The following CAPZA1 variants were observed in gnomAD, a reference collection of about 807,000 sequenced individuals.
CAPZA1 encodes the protein capping actin protein of muscle Z-line subunit alpha 1.
CAPZA1 carries 10 observed loss-of-function variants against 40.8 expected under a neutral mutation model. That is an observed-to-expected ratio of 0.25 (90% CI 0.15 to 0.42). The LOEUF is 0.42. Among genes scored for constraint, CAPZA1 ranks in the 10% least tolerant of loss-of-function variants. The pLI is 1.00. For missense variants in CAPZA1, 277 were observed against 353.8 expected (o/e 0.78, Z 1.74); for synonymous variants, 98 against 115.0 (o/e 0.85, Z 0.95).
chr1:112,665,141 AG>A (rs1313264132), intron 7 of CAPZA1, among the ~76,000 whole-genome samples: 1 of 150,380 alleles, frequency 6.6e-6, no homozygotes, highest in Non-Finnish European at 1.5e-5. Flanking sequence ...ATCTCCTGGT[AG>A]CATAGACTAG....
At chr1:112,633,558 G>A (rs1670961930) in intron 1 of CAPZA1, among the ~76,000 whole-genome samples, 1 of 152,124 alleles carries the variant, frequency 6.6e-6, no homozygotes, top group African/African-American at 2.4e-5. Context: ...ATGAACATGG[G>A]GGTGCAGATA....
At chr1:112,625,493 T>C (rs1242719734) in intron 1 of CAPZA1, among the ~76,000 whole-genome samples, 2 of 152,146 alleles carry the variant, frequency 1.3e-5, no homozygotes, top group African/African-American at 4.8e-5. Context: ...ATAGAAAGAT[T>C]AGGACGGAGA....
intron 1 of CAPZA1, among the ~76,000 whole-genome samples, chr1:112,630,332 A>T (rs1226174642): frequency 2.0e-5 from 3 of 151,212 alleles, no homozygotes; most frequent in East Asian, 3.9e-4. Flanking sequence ...TTTATTTTTT[A>T]ATTTTTTATT....
chr1:112,667,043 C>T (rs778123249), intron 7 of CAPZA1, 31 bp from the exon 8 acceptor site: 2 of 1,538,254 alleles, frequency 1.3e-6, no homozygotes, highest in East Asian at 2.3e-5. Flanking sequence ...ATGAACTTCC[C>T]CTAAAAAGGC....
chr1:112,627,402 T>G (rs113471283), intron 1 of CAPZA1, among the ~76,000 whole-genome samples: 7 of 152,020 alleles, frequency 4.6e-5, no homozygotes, highest in African/African-American at 1.2e-4. Flanking sequence ...CCCAGCACTT[T>G]GGGAGGCTGA....
At chr1:112,633,353 G>C (rs1473676417) in intron 1 of CAPZA1, among the ~76,000 whole-genome samples, 1 of 152,006 alleles carries the variant, frequency 6.6e-6, no homozygotes. Context: ...TCATCTTTCT[G>C]TGTCTGGCTT....
At chr1:112,645,489 C>G (rs1286688189) in intron 1 of CAPZA1, among the ~76,000 whole-genome samples, 1 of 151,792 alleles carries the variant, frequency 6.6e-6, no homozygotes, top group African/African-American at 2.4e-5. Context: ...TAAAAATTAG[C>G]CAGGCATGGT....
At chr1:112,641,248 A>G (rs978693284) in intron 1 of CAPZA1, among the ~76,000 whole-genome samples, 5 of 142,656 alleles carry the variant, frequency 3.5e-5, no homozygotes, top group Admixed American at 6.8e-5. Context: ...TAAATAATTG[A>G]AAAAAAAAAT....
intron 1 of CAPZA1, among the ~76,000 whole-genome samples, chr1:112,644,701 C>T (rs1224459818): frequency 6.6e-6 from 1 of 152,190 alleles, no homozygotes; most frequent in Non-Finnish European, 1.5e-5. Flanking sequence ...CTCATTATTA[C>T]ATCAAATATT....
chr1:112,658,826 C>T (rs1230484651), intron 5 of CAPZA1, among the ~76,000 whole-genome samples, 196 bp from the exon 6 acceptor site: 1 of 152,198 alleles, frequency 6.6e-6, no homozygotes, highest in Non-Finnish European at 1.5e-5. Context: ...CCTCTGTTTT[C>T]ATTGTATCAC....
intron 1 of CAPZA1, among the ~76,000 whole-genome samples, chr1:112,633,154 G>A (rs1045793364): frequency 6.6e-6 from 1 of 152,198 alleles, no homozygotes; most frequent in African/African-American, 2.4e-5. Context: ...ATGCAGTGCA[G>A]TAGAGCACTA....
At chr1:112,654,778 C>G (rs1306942003) in intron 5 of CAPZA1, 107 bp downstream of exon 5, 13 of 625,822 alleles carry the variant, frequency 2.1e-5, no homozygotes, top group Middle Eastern at 6.2e-4. Context: ...TAGCCATGCT[C>G]TCTTCTCCTC....
chr1:112,647,351 C>A, intron 2 of CAPZA1, 78 bp downstream of exon 2: 2 of 752,542 alleles, frequency 2.7e-6, no homozygotes, highest in Non-Finnish European at 4.0e-6. Flanking sequence ...TTAATTCTTA[C>A]GACTTGTTGT....
rs1301334542 is a variant in CAPZA1 at position 112,671,381 on chromosome 1, T to A, written c.*1249T>A. ...TTTTTTAAAAAACCAAGTAGTGTCT[T>A]CCTACCTATCTCCAGATACATGTCA... On this transcript the variant is annotated 3_prime_UTR_variant, in exon 10 of 10. Coordinates refer to ENST00000263168, the MANE Select transcript of CAPZA1 (RefSeq NM_006135.3). 6 of 152,756 alleles carry A rather than the reference T, an allele frequency of 3.9e-5. No individual in the cohort carries two copies. Among genetic ancestry groups the A allele is most frequent in the Middle Eastern group, 3.4e-3 (1 of 294 alleles). The allele number at this position is 152,756 out of a possible 1,614,324, so 9.5% of individuals were successfully genotyped here. A position where few individuals can be genotyped will look rare whatever the true frequency, so the allele number is the denominator to read the frequency against.
In CAPZA1 at chr1:112,671,595, A is replaced by G. The variant is rs1228743102; in HGVS notation, c.*1463A>G. ...TTCTGTATCAGGTAGTCTAATAGAA[A>G]TATACCTGTTTTGTTCTAAAATTGT... On this transcript the variant is annotated 3_prime_UTR_variant, in exon 10 of 10. Transcript: ENST00000263168. The G allele has an allele frequency of 6.6e-6, 1 of 152,616 alleles. No homozygotes were observed. The highest frequency in any genetic ancestry group is 1.5e-5 in the Non-Finnish European group (1 of 68,042). 9.5% of individuals were successfully genotyped at this position (152,616 alleles called of 1,614,324 possible).
rs185771061 is a variant in CAPZA1, at chr1:112,629,782, C to G, written c.39+9899C>G. ...TTAGTTCATCCTTCTCTTTTATTCT[C>G]TCCAAATCCTCTGTTCTACCAAACA... is the stretch of plus-strand genomic sequence containing the variant. On this transcript the variant is annotated intron_variant, in intron 1 of 9. Transcript: ENST00000263168. Among the ~76,000 whole-genome samples, 4 of 152,334 alleles carry G rather than the reference C, an allele frequency of 2.6e-5. 1 individual carries two copies. Among genetic ancestry groups the G allele is most frequent in the Admixed American group, 2.6e-4 (4 of 15,300 alleles).
chr1:112,667,432 G>A (rs1313181050), intron 8 of CAPZA1, among the ~76,000 whole-genome samples: 2 of 152,120 alleles, frequency 1.3e-5, no homozygotes, highest in South Asian at 2.1e-4. Flanking sequence ...AATACCAAGA[G>A]CAAGGAAAGT....
chr1:112,630,976 A>G (rs1670907398), intron 1 of CAPZA1, among the ~76,000 whole-genome samples: 1 of 152,214 alleles, frequency 6.6e-6, no homozygotes, highest in Admixed American at 6.5e-5. Flanking sequence ...CAACCCTGAC[A>G]GCATGTTAGA....
chr1:112,653,568 T>C, intron 3 of CAPZA1, 30 bp from the exon 4 acceptor site: 1 of 1,397,642 alleles, frequency 7.2e-7, no homozygotes, highest in East Asian at 2.4e-5. Context: ...TTTTTTTTTT[T>C]TTTTTTAAAA....
Sources: gnomAD v4.1 joint callset for allele counts (sites outside exome capture counted in the v4.1 genomes callset) on GRCh38, gnomAD v4.1.1 for gene constraint, MANE v1.5 for transcripts, NCBI Gene and HGNC (gene_info 2026-07-23, HGNC 2026-07-21) for gene names.